The following TAMM41 variants were observed in gnomAD, a reference collection of about 807,000 sequenced individuals.
TAMM41 encodes the protein TAM41 mitochondrial translocator assembly and maintenance homolog.
Under a neutral mutation model 44.1 loss-of-function variants are expected in TAMM41, and 36 were observed. That is an observed-to-expected ratio of 0.82 (90% CI 0.63 to 1.08). TAMM41 has a LOEUF of 1.08. Ranked by LOEUF, TAMM41 falls within the 50% of genes least tolerant of loss-of-function variation. The pLI is 0.00. For missense variants in TAMM41, 417 were observed against 404.3 expected, an observed-to-expected ratio of 1.03 and a Z score of -0.27; for synonymous variants, 164 against 153.1, an observed-to-expected ratio of 1.07 and a Z score of -0.53.
chr3:11,744,230 G>A, the TAMM41 span, among the ~76,000 whole-genome samples: 1 of 151,954 alleles, frequency 6.6e-6, no homozygotes, highest in Non-Finnish European at 1.5e-5. Context: ...ACCATGCCCA[G>A]CTAGTTTTTG....
At chr3:11,734,269 A>AG in the TAMM41 span, among the ~76,000 whole-genome samples, 2 of 152,292 alleles carry the variant, frequency 1.3e-5, no homozygotes, top group East Asian at 3.9e-4. Context: ...CTTAACCAAA[A>AG]TGGGAAGCTG....
chr3:11,843,312 T>A (rs901882428), intron 2 of TAMM41, among the ~76,000 whole-genome samples: 1 of 152,170 alleles, frequency 6.6e-6, no homozygotes, highest in African/African-American at 2.4e-5. Context: ...AAATCTTCAA[T>A]CCCTACCCCA....
At chr3:11,783,642 T>G in the TAMM41 span, among the ~76,000 whole-genome samples, 1 of 152,192 alleles carries the variant, frequency 6.6e-6, no homozygotes, top group Non-Finnish European at 1.5e-5. Context: ...GATTCATAAC[T>G]CCAAGAGACA....
chr3:11,836,145 A>G (rs545365399), intron 3 of TAMM41, among the ~76,000 whole-genome samples: 1 of 151,524 alleles, frequency 6.6e-6, no homozygotes, highest in South Asian at 2.1e-4. Flanking sequence ...TGCATGCCGC[A>G]ACGCCCAGTT....
chr3:11,817,276 A>C lies in TAMM41; in HGVS notation c.624T>G (p.Asn208Lys), dbSNP rs1397021779. The change falls in exon 5 of 8, where the codon AAT becomes AAG. Residue 208 changes from asparagine (N) to lysine (K), a missense_variant. Coordinates refer to ENST00000455809, the MANE Select transcript of TAMM41 (RefSeq NM_001284401.2). Reference sequence around the variant, plus strand: ...CATAGAGCTCTCGAAAGTGGGCTATATTGGGCTTCACAATATTCAACACTT... The same window carrying C: ...CATAGAGCTCTCGAAAGTGGGCTATCTTGGGCTTCACAATATTCAACACTT... ...KTKVLNIVKP[N>K]IAHFRELYGS... 1 of 1,613,458 alleles carries C rather than the reference A, an allele frequency of 6.2e-7. No individual in the cohort carries two copies. The highest frequency in any genetic ancestry group is 1.3e-5 in the African/African-American group (1 of 74,922).
At chr3:11,767,625 C>CCTTTTTTTTTTTTTTTTT in the TAMM41 span, among the ~76,000 whole-genome samples, 10 of 27,910 alleles carry the variant, frequency 3.6e-4, no homozygotes, top group East Asian at 5.7e-4. Context: ...ACACGTTGTG[C>CCTTTTTTTTTTTTTTTTT]ATTTTTTTTT....
chr3:11,808,619 A>G (rs989481389), intron 6 of TAMM41: 11 of 985,204 alleles, frequency 1.1e-5, no homozygotes, highest in African/African-American at 5.2e-5. Flanking sequence ...CAATTGACAG[A>G]GGGACTCATT....
chr3:11,788,246 T>TA (rs1157977123), downstream of TAMM41, among the ~76,000 whole-genome samples: 1 of 152,174 alleles, frequency 6.6e-6, no homozygotes, highest in Non-Finnish European at 1.5e-5. Flanking sequence ...GGACAGAAGT[T>TA]AAAGTAAAAT....
At chr3:11,834,371 C>T (rs142845928) in intron 3 of TAMM41, among the ~76,000 whole-genome samples, 3 of 152,188 alleles carry the variant, frequency 2.0e-5, no homozygotes, top group African/African-American at 7.2e-5. Context: ...CTTAAAAACT[C>T]AAGCACAATT....
At chr3:11,781,580 C>T in the TAMM41 span, among the ~76,000 whole-genome samples, 13 of 151,954 alleles carry the variant, frequency 8.6e-5, no homozygotes, top group South Asian at 2.1e-4. Flanking sequence ...ACTAAAAATA[C>T]GAAAATTAGC....
At chr3:11,741,615 C>A in the TAMM41 span, among the ~76,000 whole-genome samples, 21 of 150,186 alleles carry the variant, frequency 1.4e-4, 1 homozygote, top group Non-Finnish European at 2.5e-4. Context: ...AGTGCAACAG[C>A]AAAACCAGCA....
downstream of TAMM41, among the ~76,000 whole-genome samples, chr3:11,786,319 T>TTATTATTA (rs1559259455): frequency 2.0e-5 from 2 of 100,330 alleles, no homozygotes; most frequent in Admixed American, 2.5e-4. Context: ...TATTATTATT[T>TTATTATTA]TTTGAGATGG....
At chr3:11,790,674 A>G in intron 7 of TAMM41, 93 bp from the exon 8 acceptor site, 1 of 1,159,384 alleles carries the variant, frequency 8.6e-7, no homozygotes, top group Non-Finnish European at 1.3e-6. Flanking sequence ...TTGTCTTTGG[A>G]GGAGGGCAGT....
the TAMM41 span, among the ~76,000 whole-genome samples, chr3:11,727,654 C>A: frequency 6.6e-6 from 1 of 151,938 alleles, no homozygotes; most frequent in Non-Finnish European, 1.5e-5. Context: ...TTTCTAGAGA[C>A]AAAGTTTTGC....
At chr3:11,825,358 G>A (rs2078704795) in intron 4 of TAMM41, among the ~76,000 whole-genome samples, 1 of 152,180 alleles carries the variant, frequency 6.6e-6, no homozygotes, top group African/African-American at 2.4e-5. Context: ...AGTAACCTGA[G>A]TTCCGGCTGA....
rs376123809 is a variant in TAMM41 at position 11,840,844 on chromosome 3, C to T, written c.319-1530G>A. ...ATGCTCAAGGTGGCACCAGTAGTAG[C>T]AGAGTCAAAACTAGGTCCCAGAATT... On this transcript the variant is annotated intron_variant, in intron 2 of 7. Coordinates refer to ENST00000455809, the MANE Select transcript of TAMM41 (RefSeq NM_001284401.2). Among the ~76,000 whole-genome samples, 50 of 152,172 alleles carry T rather than the reference C, an allele frequency of 3.3e-4. No homozygotes were observed. The East Asian group carries it at 5.2e-3, about 16-fold the overall frequency.
the TAMM41 span, among the ~76,000 whole-genome samples, chr3:11,741,587 A>G: frequency 6.6e-6 from 1 of 150,378 alleles, no homozygotes. Flanking sequence ...CACAGTGGCC[A>G]TAACTTTTGC....
chr3:11,748,201 C>T, the TAMM41 span, among the ~76,000 whole-genome samples: 300 of 151,876 alleles, frequency 2.0e-3, 2 homozygotes, highest in Admixed American at 3.0e-3. Flanking sequence ...GAATCAAACA[C>T]GAGTATCTCC....
At chr3:11,764,087 T>C in the TAMM41 span, among the ~76,000 whole-genome samples, 1 of 152,124 alleles carries the variant, frequency 6.6e-6, no homozygotes, top group African/African-American at 2.4e-5. Flanking sequence ...CACTGAAGGC[T>C]CTACCTCCCA....
Sources: allele counts gnomAD v4.1 joint callset (sites outside exome capture counted in the v4.1 genomes callset), GRCh38; gene constraint gnomAD v4.1.1; transcripts MANE v1.5; gene names NCBI Gene and HGNC (gene_info 2026-07-23, HGNC 2026-07-21).